LGSN: variants seen among roughly 807,000 people sequenced by gnomAD.
LGSN encodes lengsin, lens protein with glutamine synthetase domain.
Under a neutral mutation model 19.5 loss-of-function variants are expected in LGSN, and 21 were observed. The ratio of observed to expected loss-of-function variants is 1.07; its 90% CI spans 0.76 to 1.55. LGSN has a LOEUF of 1.55. Among genes scored for constraint, LGSN ranks in the 40% most tolerant of loss-of-function variants. LGSN has a pLI of 0.00. For synonymous variants in LGSN, 257 were observed against 215.6 expected, an observed-to-expected ratio of 1.19 and a Z score of -1.68; for missense variants, 673 against 608.5, an observed-to-expected ratio of 1.11 and a Z score of -1.12.
the LGSN span, among the ~76,000 whole-genome samples, chr6:63,406,739 G>T: frequency 1.6e-4 from 24 of 152,044 alleles, no homozygotes; most frequent in African/African-American, 4.6e-4. Flanking sequence ...GAATCCAGGA[G>T]CTGGTTTTTT....
chr6:63,451,865 G>T, the LGSN span, among the ~76,000 whole-genome samples: 1 of 152,082 alleles, frequency 6.6e-6, no homozygotes, highest in East Asian at 1.9e-4. Flanking sequence ...TATTTTGATG[G>T]ATTTAAAATT....
chr6:63,461,452 C>T, the LGSN span, among the ~76,000 whole-genome samples: 1 of 152,220 alleles, frequency 6.6e-6, no homozygotes, highest in African/African-American at 2.4e-5. Flanking sequence ...GATAATTTCT[C>T]CCTCAAATAC....
the LGSN span, among the ~76,000 whole-genome samples, chr6:63,370,006 A>AAAG: frequency 3.3e-5 from 5 of 151,814 alleles, no homozygotes; most frequent in Admixed American, 2.0e-4. Flanking sequence ...TGTATCCAAA[A>AAAG]AAGAAGAAGA....
In LGSN at chr6:63,280,785, T is replaced by C; in HGVS notation, c.766A>G (p.Ser256Gly). 6.2e-7 allele frequency: 1 copy of C among 1,614,128 alleles called. No individual in the cohort carries two copies. The highest frequency in any genetic ancestry group is 8.5e-7 in the Non-Finnish European group (1 of 1,180,028). The change falls in exon 4 of 4, where the codon AGT becomes GGT. Residue 256 changes from serine (S) to glycine (G), a missense_variant. Coordinates refer to ENST00000370657, the MANE Select transcript of LGSN (RefSeq NM_016571.3). ...GLYHTGANVE[S>G]FSSSTRPGQM... is the part of the protein sequence containing the mutation. The stretch of plus-strand genomic sequence containing the variant: ...CCAGGCCTGGTAGAGGAGGAAAAAC[T>C]CTCGACATTGGCTCCAGTGTGATAC...
the LGSN span, among the ~76,000 whole-genome samples, chr6:63,516,751 C>T: frequency 1.3e-5 from 2 of 152,216 alleles, no homozygotes; most frequent in African/African-American, 4.8e-5. Flanking sequence ...ATGGCATGTG[C>T]TACTTCTGGG....
the LGSN span, among the ~76,000 whole-genome samples, chr6:63,326,768 C>T: frequency 1.1e-4 from 16 of 152,350 alleles, no homozygotes; most frequent in Middle Eastern, 3.4e-3. Flanking sequence ...GCCAAGCCCA[C>T]GCCCACCCAG....
At chr6:63,414,423 T>C in the LGSN span, among the ~76,000 whole-genome samples, 2 of 152,284 alleles carry the variant, frequency 1.3e-5, no homozygotes, top group African/African-American at 4.8e-5. Flanking sequence ...TATTGTAGTC[T>C]TCAAAATTCT....
At chr6:63,520,370 T>C in the LGSN span, among the ~76,000 whole-genome samples, 3 of 152,218 alleles carry the variant, frequency 2.0e-5, no homozygotes, top group African/African-American at 7.2e-5. Flanking sequence ...CTCATGCCTG[T>C]AATCCCAGCA....
At chr6:63,388,740 A>G in the LGSN span, among the ~76,000 whole-genome samples, 1 of 152,222 alleles carries the variant, frequency 6.6e-6, no homozygotes, top group South Asian at 2.1e-4. Context: ...TCCTAAAGCT[A>G]GAAATAACGT....
chr6:63,520,471 A>G, the LGSN span, among the ~76,000 whole-genome samples: 1 of 152,066 alleles, frequency 6.6e-6, no homozygotes, highest in African/African-American at 2.4e-5. Flanking sequence ...TATCAAAAAT[A>G]CAAAAATTAG....
the LGSN span, among the ~76,000 whole-genome samples, chr6:63,398,046 T>C: frequency 6.6e-6 from 1 of 152,094 alleles, no homozygotes; most frequent in African/African-American, 2.4e-5. Context: ...CGCATGTTTG[T>C]AGGGATACTG....
At chr6:63,496,342 T>G in the LGSN span, among the ~76,000 whole-genome samples, 678 of 152,358 alleles carry the variant, frequency 4.5e-3, 2 homozygotes, top group African/African-American at 0.016. Flanking sequence ...TATTTTCTAT[T>G]TTAAGAGTTT....
intron 2 of LGSN, chr6:63,293,997 C>T (rs1230122264): frequency 3.0e-6 from 1 of 334,502 alleles, no homozygotes; most frequent in East Asian, 7.9e-5. Context: ...AGTGGTCTAC[C>T]CTAGTCACTG....
the LGSN span, among the ~76,000 whole-genome samples, chr6:63,413,409 C>T: frequency 6.6e-6 from 1 of 152,138 alleles, no homozygotes; most frequent in African/African-American, 2.4e-5. Context: ...GATTGGCTGA[C>T]ATTTATTACA....
At chr6:63,439,331 T>C in the LGSN span, among the ~76,000 whole-genome samples, 1 of 151,924 alleles carries the variant, frequency 6.6e-6, no homozygotes, top group Admixed American at 6.6e-5. Context: ...ATTGTGCACA[T>C]GTACCCTAAA....
the LGSN span, among the ~76,000 whole-genome samples, chr6:63,552,024 G>A: frequency 6.6e-6 from 1 of 152,190 alleles, no homozygotes; most frequent in African/African-American, 2.4e-5. Flanking sequence ...TGTCTTTATA[G>A]CAGCATGATT....
chr6:63,407,954 T>C, the LGSN span, among the ~76,000 whole-genome samples: 1 of 152,074 alleles, frequency 6.6e-6, no homozygotes, highest in Non-Finnish European at 1.5e-5. Flanking sequence ...ATAAAATACC[T>C]AGGAATCCAA....
At chr6:63,336,923 T>C in the LGSN span, among the ~76,000 whole-genome samples, 4 of 142,922 alleles carry the variant, frequency 2.8e-5, no homozygotes, top group Non-Finnish European at 6.1e-5. Context: ...CATTCCTTTC[T>C]TTTCTTTTCT....
At chr6:63,325,233 A>G in the LGSN span, among the ~76,000 whole-genome samples, 1 of 152,152 alleles carries the variant, frequency 6.6e-6, no homozygotes, top group South Asian at 2.1e-4. Flanking sequence ...TAGTGCAAGG[A>G]AAGAAATAAT....
Sources: allele counts gnomAD v4.1 joint callset (sites outside exome capture counted in the v4.1 genomes callset), GRCh38; gene constraint gnomAD v4.1.1; transcripts MANE v1.5; gene names NCBI Gene and HGNC (gene_info 2026-07-23, HGNC 2026-07-21).